NFX1: variants seen among roughly 807,000 people sequenced by gnomAD.
The protein encoded by NFX1 is transcriptional repressor NF-X1.
In NFX1, 69 loss-of-function variants were observed where a neutral mutation model predicts 137.2. That is an observed-to-expected ratio of 0.50 (90% CI 0.41 to 0.61). The LOEUF (loss-of-function observed/expected upper bound fraction) is 0.61, where lower values mean the gene tolerates loss of function less well. Ranked by LOEUF, NFX1 falls within the 20% of genes least tolerant of loss-of-function variation. The pLI is 0.00. For missense variants in NFX1, 1,167 were observed against 1,391.0 expected (o/e 0.84, Z 2.56); for synonymous variants, 495 against 474.1 (o/e 1.04, Z -0.57).
chr9:33,325,956 G>A (rs1384457508), intron 9 of NFX1, among the ~76,000 whole-genome samples: 1 of 152,106 alleles, frequency 6.6e-6, no homozygotes, highest in African/African-American at 2.4e-5. Context: ...AAAATAATAT[G>A]TATAAAATTA....
At chr9:33,352,531 C>T in intron 16 of NFX1, 115 bp from the exon 17 acceptor site, 6 of 853,332 alleles carry the variant, frequency 7.0e-6, no homozygotes, top group Non-Finnish European at 1.2e-5. Context: ...GGAGAGTGGC[C>T]ACCCACTGAC....
At chr9:33,339,103 A>G (rs1348096403) in intron 12 of NFX1, among the ~76,000 whole-genome samples, 1 of 152,178 alleles carries the variant, frequency 6.6e-6, no homozygotes, top group Non-Finnish European at 1.5e-5. Context: ...GTTATCTCAT[A>G]TACTCTTTTA....
chr9:33,322,811 C>T (rs1469866398), intron 9 of NFX1, among the ~76,000 whole-genome samples: 2 of 152,144 alleles, frequency 1.3e-5, no homozygotes, highest in South Asian at 2.1e-4. Flanking sequence ...TGGGGAAGTA[C>T]AGGCCTAAGG....
intron 2 of NFX1, 96 bp downstream of exon 2, chr9:33,295,523 GAA>G: frequency 7.5e-7 from 1 of 1,328,136 alleles, no homozygotes; most frequent in Non-Finnish European, 1.0e-6. Context: ...AGAAAGTATG[GAA>G]AGTTACACTG....
chr9:33,292,545 C>T lies in NFX1; in HGVS notation c.26-1875C>T, dbSNP rs146533250. On this transcript the variant is annotated intron_variant, in intron 1 of 23. Coordinates refer to ENST00000379540, the MANE Select transcript of NFX1 (RefSeq NM_002504.6). ...ACTAGACATCCTGTTTACTAACTTC[C>T]AGCTACTTGAAATAGTGAAATAAAA... is the stretch of plus-strand genomic sequence containing the variant. 2.6e-3 allele frequency among the ~76,000 whole-genome samples: 391 copies of T among 152,302 alleles called. 2 individuals carry two copies. Among genetic ancestry groups the T allele is most frequent in the African/African-American group, 9.0e-3 (374 of 41,554 alleles).
At chr9:33,303,044 A>T in intron 3 of NFX1, 147 bp from the exon 4 acceptor site, 2 of 521,846 alleles carry the variant, frequency 3.8e-6, no homozygotes, top group Middle Eastern at 3.9e-4. Context: ...CAGTATTGTG[A>T]ATTTGTTCCT....
At chr9:33,362,727 G>T (rs1312003587) in intron 19 of NFX1, among the ~76,000 whole-genome samples, 2 of 132,092 alleles carry the variant, frequency 1.5e-5, no homozygotes, top group Admixed American at 1.6e-4. Flanking sequence ...TTTTGAGAAG[G>T]AGTTTTGCTC....
intron 19 of NFX1, among the ~76,000 whole-genome samples, chr9:33,359,456 G>A (rs777819227): frequency 9.2e-5 from 14 of 152,160 alleles, no homozygotes; most frequent in South Asian, 2.1e-4. Context: ...AAAATTAGCC[G>A]GGCATGGTGG....
At chr9:33,355,546 AT>A (rs923329249) in intron 19 of NFX1, among the ~76,000 whole-genome samples, 11 of 147,712 alleles carry the variant, frequency 7.4e-5, no homozygotes, top group African/African-American at 1.3e-4. Flanking sequence ...TTCCTGCATG[AT>A]TTTTTTTGTA....
Position 33,370,100 on chromosome 9 carries a change from A to G in NFX1, c.*122A>G, listed in dbSNP as rs1587888038. 1.4e-6 allele frequency: 1 copy of G among 698,100 alleles called. No homozygotes were observed. Among genetic ancestry groups the G allele is most frequent in the Non-Finnish European group, 2.5e-6 (1 of 405,748 alleles). 43.2% of individuals were successfully genotyped at this position (698,100 alleles called of 1,614,324 possible). On this transcript the variant is annotated 3_prime_UTR_variant, in exon 24 of 24. Transcript: ENST00000379540. The stretch of plus-strand genomic sequence containing the variant: ...ATCACAGTCTCACATACTGTCTTGT[A>G]CTGACACATCCAAAGCATGAGTGTG...
intron 11 of NFX1, among the ~76,000 whole-genome samples, chr9:33,335,483 T>G (rs1284338419): frequency 6.6e-6 from 1 of 152,130 alleles, no homozygotes; most frequent in Non-Finnish European, 1.5e-5. Context: ...TCCGCCTGCC[T>G]CAGCCTCCCA....
chr9:33,368,045 C>A (rs1360502741), intron 23 of NFX1, among the ~76,000 whole-genome samples: 2 of 152,134 alleles, frequency 1.3e-5, no homozygotes, highest in African/African-American at 4.8e-5. Context: ...ACCAGCCTGG[C>A]CAACAAGGTG....
chr9:33,292,632 C>T (rs1157151464), intron 1 of NFX1, among the ~76,000 whole-genome samples: 2 of 152,236 alleles, frequency 1.3e-5, no homozygotes, highest in African/African-American at 4.8e-5. Flanking sequence ...TTCCCTTCCT[C>T]ATGTCTCTTA....
rs537102272 is a variant in NFX1, at chr9:33,299,191, A to G, written c.1034-2072A>G. 1.1e-4 allele frequency among the ~76,000 whole-genome samples: 16 copies of G among 152,328 alleles called. 1 individual carries two copies. Among genetic ancestry groups the G allele is most frequent in the African/African-American group, 3.8e-4 (16 of 41,578 alleles). On this transcript the variant is annotated intron_variant, in intron 2 of 23. Coordinates refer to ENST00000379540, the MANE Select transcript of NFX1 (RefSeq NM_002504.6). ...TTAAAACTAAGAAATTAGCACTGGT[A>G]TAATCATATTAACTAAACTACAGAT...
intron 17 of NFX1, among the ~76,000 whole-genome samples, chr9:33,353,311 G>A (rs1433409937): frequency 6.6e-6 from 1 of 152,216 alleles, no homozygotes; most frequent in African/African-American, 2.4e-5. Context: ...CTCCTCTGGT[G>A]TGAGGGTTTC....
At chr9:33,352,221 A>G (rs1232068592) in intron 16 of NFX1, among the ~76,000 whole-genome samples, 1 of 152,108 alleles carries the variant, frequency 6.6e-6, no homozygotes, top group Non-Finnish European at 1.5e-5. Context: ...GTCATGAGGG[A>G]GTAGTTTAAG....
Position 33,338,512 on chromosome 9 carries a change from G to A in NFX1, c.2038G>A (p.Ala680Thr). 6.2e-7 allele frequency: 1 copy of A among 1,606,528 alleles called. No individual in the cohort carries two copies. The stretch of plus-strand genomic sequence containing the variant: ...TTCTTTTTAATTTGCCACAGCAGAT[G>A]CTACATTTATGTGTGACAAGCGGTG... ...LPCTSLKSEDATFMCDKRCNK... is the reference protein window; with the variant it reads ...LPCTSLKSEDTTFMCDKRCNK... Residue 680 changes from alanine (A) to threonine (T), a missense_variant and splice_region_variant, in exon 12 of 24, where the codon GCT becomes ACT. Ala to Thr is a moderately conservative substitution (Grantham distance 58, BLOSUM62 0). This residue lies in a region of NFX1 where 488 missense variants were observed against 691.5 expected (regional missense o/e 0.71). Transcript: ENST00000379540.
In NFX1 at chr9:33,338,531, A is replaced by G. The variant is rs775572690; in HGVS notation, c.2057A>G (p.Lys686Arg). 25 of 1,605,868 alleles carry G rather than the reference A, an allele frequency of 1.6e-5. No homozygotes were observed. Among genetic ancestry groups the G allele is most frequent in the Non-Finnish European group, 1.9e-5 (22 of 1,177,890 alleles). ...GCAGATGCTACATTTATGTGTGACAAGCGGTGTAACAAGAAACGGTTGTGT... is the reference window on the plus strand; with the variant it reads ...GCAGATGCTACATTTATGTGTGACAGGCGGTGTAACAAGAAACGGTTGTGT... ...KSEDATFMCD[K>R]RCNKKRLCGR... The change falls in exon 12 of 24, where the codon AAG (lysine) becomes AGG (arginine). Residue 686 changes from lysine to arginine, a missense_variant. By Grantham distance (26) the Lys-to-Arg change is conservative. This residue lies in a region of NFX1 where 488 missense variants were observed against 691.5 expected (regional missense o/e 0.71). Coordinates refer to ENST00000379540, the MANE Select transcript of NFX1 (RefSeq NM_002504.6).
At chr9:33,318,626 C>A in intron 7 of NFX1, 105 bp from the exon 8 acceptor site, 2 of 1,028,680 alleles carry the variant, frequency 1.9e-6, no homozygotes, top group African/African-American at 1.6e-5. Flanking sequence ...CAGGCATGAG[C>A]GACTGTGCCA....
Sources: allele counts gnomAD v4.1 joint callset (sites outside exome capture counted in the v4.1 genomes callset), GRCh38; gene constraint gnomAD v4.1.1; regional missense constraint gnomAD v4.1.1; transcripts MANE v1.5; gene names NCBI Gene and HGNC (gene_info 2026-07-23, HGNC 2026-07-21).